CC2D2B: variants seen among roughly 807,000 people sequenced by gnomAD.
CC2D2B encodes the protein protein CC2D2B.
CC2D2B carries 128 observed loss-of-function variants against 161.2 expected under a neutral mutation model. The observed-to-expected ratio is 0.79, with a 90% CI of 0.69 to 0.92. CC2D2B has a LOEUF of 0.92. Ranked by LOEUF, CC2D2B falls within the 40% of genes least tolerant of loss-of-function variation. CC2D2B has a pLI of 0.00. For synonymous variants in CC2D2B, 391 were observed against 449.8 expected, an observed-to-expected ratio of 0.87 and a Z score of 1.65; for missense variants, 1,173 against 1,375.1, an observed-to-expected ratio of 0.85 and a Z score of 2.32.
intron 25 of CC2D2B, among the ~76,000 whole-genome samples, chr10:96,007,409 C>T (rs2078799219): frequency 6.6e-6 from 1 of 152,140 alleles, no homozygotes; most frequent in Non-Finnish European, 1.5e-5. Flanking sequence ...ACCTAAGAAG[C>T]CTCCAGCATC....
At chr10:96,003,578 C>G (rs975885374) in intron 24 of CC2D2B, among the ~76,000 whole-genome samples, 5 of 124,946 alleles carry the variant, frequency 4.0e-5, no homozygotes, top group African/African-American at 1.7e-4. Flanking sequence ...GCCACCAGGC[C>G]CGGCTAATTG....
chr10:96,010,189 G>T (rs1293143186), intron 26 of CC2D2B, among the ~76,000 whole-genome samples: 1 of 152,184 alleles, frequency 6.6e-6, no homozygotes, highest in Non-Finnish European at 1.5e-5. Context: ...AGTTCTATAA[G>T]ATCAGATTCA....
chr10:95,961,925 T>C lies in CC2D2B; in HGVS notation c.1206T>C (p.His402=). Reference sequence around the variant, plus strand: ...GGAAACAGATTAAATCTCTTCGACATGGGCAAGGGTTTACAAGCACCCCAA... The same window carrying C: ...GGAAACAGATTAAATCTCTTCGACACGGGCAAGGGTTTACAAGCACCCCAA... ...RTWKQIKSLR[H]GQGFTSTPIK... The change falls in exon 12 of 35, where the codon CAT becomes CAC. Residue 402 remains histidine (H), a synonymous_variant. Coordinates refer to ENST00000646931, the MANE Select transcript of CC2D2B (RefSeq NM_001349008.3). 8.1e-7 allele frequency: 1 copy of C among 1,231,622 alleles called. No homozygotes were observed. Among genetic ancestry groups the C allele is most frequent in the Non-Finnish European group, 1.0e-6 (1 of 987,656 alleles). The allele number at this position is 1,231,622 out of a possible 1,614,324, so 76.3% of individuals were successfully genotyped here.
At chr10:95,992,799 C>G (rs2078006109) in intron 22 of CC2D2B, 102 bp downstream of exon 22, 1 of 691,364 alleles carries the variant, frequency 1.4e-6, no homozygotes, top group East Asian at 3.4e-5. Context: ...TTTGTTAATG[C>G]TCCATATACA....
chr10:95,937,951 A>C, intron 6 of CC2D2B, 40 bp from the exon 7 acceptor site: 1 of 1,175,234 alleles, frequency 8.5e-7, no homozygotes, highest in South Asian at 1.4e-5. Context: ...ATCATTGGAG[A>C]CAAGCATGTA....
intron 6 of CC2D2B, 94 bp downstream of exon 6, chr10:95,927,426 A>G: frequency 1.4e-6 from 1 of 701,330 alleles, no homozygotes; most frequent in Non-Finnish European, 2.5e-6. Flanking sequence ...ACGGGAGATA[A>G]AGTTTTATTA....
chr10:95,949,670 TA>T (rs59101408), intron 9 of CC2D2B, among the ~76,000 whole-genome samples: 75,534 of 144,018 alleles, frequency 0.52, 19,660 homozygotes, highest in Admixed American at 0.59. Context: ...AAAAAAAAAT[TA>T]AAAAAAAAAA....
chr10:95,968,124 G>A (rs1729590160), intron 14 of CC2D2B, among the ~76,000 whole-genome samples: 1 of 152,142 alleles, frequency 6.6e-6, no homozygotes, highest in South Asian at 2.1e-4. Context: ...AACCTGGCTT[G>A]CTCCTTTGAT....
In CC2D2B at chr10:95,966,260, T is replaced by C; in HGVS notation, c.1424T>C (p.Leu475Pro). Residue 475 changes from leucine to proline, a missense_variant, in exon 14 of 35, where the codon CTT (leucine) becomes CCT (proline). Physicochemically the swap from Leu to Pro is moderately conservative, Grantham distance 98. Around this residue, in one of 3 missense-constraint regions of CC2D2B, gnomAD observed 277 missense variants for 420.6 expected, o/e 0.66. Coordinates refer to ENST00000646931, the MANE Select transcript of CC2D2B (RefSeq NM_001349008.3). ...RIKPITLRPQ[L>P]SFTAELTSLS... ...AAGCCAATTACCTTGAGGCCACAAC[T>C]TTCTTTCACTGCAGAATTAACAAGC... 8.2e-7 allele frequency: 1 copy of C among 1,224,782 alleles called. No individual in the cohort carries two copies. Among genetic ancestry groups the C allele is most frequent in the Non-Finnish European group, 1.0e-6 (1 of 981,550 alleles). The allele number at this position is 1,224,782 out of a possible 1,614,324, so 75.9% of individuals were successfully genotyped here.
At chr10:95,915,835 T>C (rs925565425) in intron 2 of CC2D2B, among the ~76,000 whole-genome samples, 87 of 152,320 alleles carry the variant, frequency 5.7e-4, no homozygotes, top group African/African-American at 2.0e-3. Context: ...TGCATCAATG[T>C]TCATCAGATA....
intron 33 of CC2D2B, among the ~76,000 whole-genome samples, chr10:96,025,221 A>G (rs1271083343): frequency 5.0e-5 from 6 of 120,218 alleles, no homozygotes; most frequent in East Asian, 2.4e-4. Context: ...ATATATATAT[A>G]GCTGGGCATG....
At chr10:95,956,488 TAAG>T (rs1356089310) in intron 11 of CC2D2B, among the ~76,000 whole-genome samples, 1 of 152,092 alleles carries the variant, frequency 6.6e-6, no homozygotes, top group Non-Finnish European at 1.5e-5. Flanking sequence ...TATTTTTATA[TAAG>T]AAGAACCAAA....
chr10:96,031,388 T>A (rs2080060963), intron 34 of CC2D2B, among the ~76,000 whole-genome samples: 2 of 152,222 alleles, frequency 1.3e-5, no homozygotes, highest in African/African-American at 4.8e-5. Flanking sequence ...CATGGGACCA[T>A]GTTCCACAAT....
At chr10:95,923,287 T>C (rs1324772559) in intron 3 of CC2D2B, among the ~76,000 whole-genome samples, 1 of 152,068 alleles carries the variant, frequency 6.6e-6, no homozygotes, top group Non-Finnish European at 1.5e-5. Context: ...GGTCTTGCTA[T>C]GTTGCGCAAG....
In CC2D2B at chr10:96,024,900, T is replaced by G. The variant is rs368898293; in HGVS notation, c.3936T>G (p.Asp1312Glu). 1.5e-4 allele frequency: 224 copies of G among 1,530,378 alleles called. No individual in the cohort carries two copies. Among genetic ancestry groups the G allele is most frequent in the Non-Finnish European group, 1.9e-4 (214 of 1,129,058 alleles). 94.8% of individuals were successfully genotyped at this position (1,530,378 alleles called of 1,614,324 possible). ...AAACTGATAAAAGCATGGTAGAAGA[T>G]CTAAGGAATAGGTACTGTGTTTTCC... ...YFETDKSMVE[D>E]LRNRIERTLK... The change falls in exon 33 of 35, where the codon GAT becomes GAG. Residue 1312 changes from aspartate to glutamate, a missense_variant. Coordinates refer to ENST00000646931, the MANE Select transcript of CC2D2B (RefSeq NM_001349008.3).
intron 30 of CC2D2B, among the ~76,000 whole-genome samples, chr10:96,017,703 G>A (rs1452129041): frequency 6.6e-6 from 1 of 152,044 alleles, no homozygotes; most frequent in Non-Finnish European, 1.5e-5. Flanking sequence ...GGCTGAGGAG[G>A]GAGGATTGCT....
intron 22 of CC2D2B, chr10:95,993,237 A>C (rs189027364): frequency 1.3e-5 from 2 of 154,842 alleles, no homozygotes; most frequent in African/African-American, 4.8e-5. Context: ...CAGAGGATAC[A>C]TGGGGCCAGA....
intron 6 of CC2D2B, among the ~76,000 whole-genome samples, chr10:95,932,546 T>G (rs1178729700): frequency 2.6e-5 from 4 of 152,150 alleles, no homozygotes; most frequent in Non-Finnish European, 5.9e-5. Context: ...TTTAGTACTT[T>G]TTTCAGGAGC....
chr10:95,931,036 G>C (rs2098549197), intron 6 of CC2D2B, among the ~76,000 whole-genome samples: 1 of 152,144 alleles, frequency 6.6e-6, no homozygotes, highest in Admixed American at 6.5e-5. Context: ...TGGTTGGTAG[G>C]CTATTAATTA....
Sources: allele counts gnomAD v4.1 joint callset (sites outside exome capture counted in the v4.1 genomes callset), GRCh38; gene constraint gnomAD v4.1.1; regional missense constraint gnomAD v4.1.1; transcripts MANE v1.5; gene names NCBI Gene and HGNC (gene_info 2026-07-23, HGNC 2026-07-21).